The following SCAPER variants were observed in gnomAD, a reference collection of about 807,000 sequenced individuals.
SCAPER encodes S phase cyclin A-associated protein in the endoplasmic reticulum.
A neutral mutation model predicts 182.2 loss-of-function variants in SCAPER; 98 were observed. The ratio of observed to expected loss-of-function variants is 0.54; its 90% CI spans 0.46 to 0.64. The LOEUF (loss-of-function observed/expected upper bound fraction) is 0.64, where lower values mean the gene tolerates loss of function less well. SCAPER is among the 30% of genes least tolerant of loss of function. The pLI, the probability that SCAPER is intolerant of heterozygous loss-of-function variation, is 0.00. For missense variants in SCAPER, 1,432 were observed against 1,690.0 expected (o/e 0.85, Z 2.68); for synonymous variants, 605 against 564.6 (o/e 1.07, Z -1.01).
chr15:76,862,586 T>C, intron 2 of SCAPER, 53 bp from the exon 3 acceptor site: 1 of 1,123,888 alleles, frequency 8.9e-7, no homozygotes, highest in Non-Finnish European at 1.3e-6. Context: ...TCAAAATATA[T>C]ATTTAACAAA....
chr15:76,782,446 C>G lies in SCAPER; in HGVS notation c.773-7329G>C, dbSNP rs528204885. ...CAATAATAATGGGAGACTTTAATACCCCACTATCCACATTAGACAGATCAA... is the reference window on the plus strand; with the variant it reads ...CAATAATAATGGGAGACTTTAATACGCCACTATCCACATTAGACAGATCAA... On this transcript the variant is annotated intron_variant, in intron 8 of 31. Transcript: ENST00000563290. Among the ~76,000 whole-genome samples the G allele has an allele frequency of 9.2e-4, 140 of 152,096 alleles. 7 individuals are homozygous for G. In the South Asian group the frequency reaches 0.022, roughly 24 times the overall value.
At chr15:76,453,984 A>G (rs2048550358) in intron 25 of SCAPER, among the ~76,000 whole-genome samples, 1 of 152,156 alleles carries the variant, frequency 6.6e-6, no homozygotes, top group Non-Finnish European at 1.5e-5. Context: ...TTCTTTCCTC[A>G]TATTTGAAAC....
chr15:76,652,508 T>C (rs2146562178), intron 21 of SCAPER, among the ~76,000 whole-genome samples: 1 of 89,506 alleles, frequency 1.1e-5, no homozygotes, highest in East Asian at 3.4e-4. Flanking sequence ...TATATATATA[T>C]TTACATACAT....
intron 24 of SCAPER, among the ~76,000 whole-genome samples, chr15:76,490,118 T>C (rs1369178083): frequency 2.0e-5 from 3 of 152,212 alleles, no homozygotes; most frequent in Non-Finnish European, 2.9e-5. Context: ...GAAGTGGTAA[T>C]ATCTCTTTGA....
intron 25 of SCAPER, among the ~76,000 whole-genome samples, chr15:76,457,346 A>G (rs952005787): frequency 2.0e-5 from 3 of 152,202 alleles, no homozygotes; most frequent in Admixed American, 1.3e-4. Context: ...TATAGGCATG[A>G]GCCACCACGC....
chr15:76,484,169 G>A (rs1434736825), intron 24 of SCAPER, among the ~76,000 whole-genome samples: 1 of 152,076 alleles, frequency 6.6e-6, no homozygotes, highest in Non-Finnish European at 1.5e-5. Flanking sequence ...AAAAAGAACT[G>A]AGCTATCAAG....
At chr15:76,364,801 T>C (rs1319345633) in intron 29 of SCAPER, among the ~76,000 whole-genome samples, 1 of 151,928 alleles carries the variant, frequency 6.6e-6, no homozygotes, top group Non-Finnish European at 1.5e-5. Context: ...CTCCTGCTTG[T>C]AACACTTAGG....
At chr15:76,842,185 G>A (rs146126040) in intron 4 of SCAPER, among the ~76,000 whole-genome samples, 98 of 152,232 alleles carry the variant, frequency 6.4e-4, no homozygotes, top group African/African-American at 2.2e-3. Flanking sequence ...GATATGCATA[G>A]GTTATATGCA....
At chr15:76,679,072 G>A (rs956174682) in intron 20 of SCAPER, among the ~76,000 whole-genome samples, 8 of 152,118 alleles carry the variant, frequency 5.3e-5, no homozygotes, top group East Asian at 1.9e-4. Context: ...TTGTAATTAC[G>A]AATGTCTTGG....
intron 2 of SCAPER, among the ~76,000 whole-genome samples, chr15:76,872,593 T>C (rs1313486828): frequency 6.6e-6 from 1 of 151,862 alleles, no homozygotes; most frequent in Non-Finnish European, 1.5e-5. Context: ...ATAAAAAATA[T>C]TCTAATCTAG....
intron 4 of SCAPER, 33 bp downstream of exon 4, chr15:76,857,776 A>G: frequency 7.7e-7 from 1 of 1,301,058 alleles, no homozygotes; most frequent in South Asian, 1.5e-5. Flanking sequence ...TGAAATTAAA[A>G]GTAAATAAGT....
intron 23 of SCAPER, among the ~76,000 whole-genome samples, chr15:76,568,760 G>C (rs1364053851): frequency 6.6e-6 from 1 of 152,066 alleles, no homozygotes; most frequent in Non-Finnish European, 1.5e-5. Context: ...AAAGAACAAA[G>C]TGTTGGACTT....
intron 4 of SCAPER, among the ~76,000 whole-genome samples, chr15:76,843,296 G>A (rs2069665217): frequency 6.6e-6 from 1 of 151,966 alleles, no homozygotes. Flanking sequence ...ATTCCAGAAG[G>A]GCAGAAAATA....
Position 76,404,641 on chromosome 15 carries a change from G to A in SCAPER, c.3350C>T (p.Ala1117Val), listed in dbSNP as rs1186391438. The A allele has an allele frequency of 6.2e-7, 1 of 1,612,946 alleles. No individual in the cohort carries two copies. The highest frequency in any genetic ancestry group is 1.7e-5 in the Admixed American group (1 of 59,906). ...TGGGCCTTGCACCGAGAGGAAGCAG[G>A]CACACAGTTTGTCAATCAGACCCAT... Reference protein sequence around the residue: ...VNMGLIDKLCACFLSVQGPVD... With the variant: ...VNMGLIDKLCVCFLSVQGPVD... Residue 1117 changes from alanine to valine, a missense_variant, in exon 27 of 32, where the codon GCC becomes GTC. Physicochemically the swap from Ala to Val is moderately conservative, Grantham distance 64. Coordinates refer to ENST00000563290, the MANE Select transcript of SCAPER (RefSeq NM_020843.4).
chr15:76,839,076 T>C (rs1408035302), intron 5 of SCAPER, among the ~76,000 whole-genome samples: 1 of 152,206 alleles, frequency 6.6e-6, no homozygotes, highest in African/African-American at 2.4e-5. Flanking sequence ...GCCAATGTCA[T>C]AAACAGGCAC....
chr15:76,828,260 T>C (rs1176035175), intron 5 of SCAPER, among the ~76,000 whole-genome samples: 1 of 151,354 alleles, frequency 6.6e-6, no homozygotes, highest in Non-Finnish European at 1.5e-5. Context: ...TTACCCAGTT[T>C]CTAGTATTCT....
intron 22 of SCAPER, 24 bp downstream of exon 22, chr15:76,621,740 A>T (rs753459131): frequency 6.3e-7 from 1 of 1,585,324 alleles, no homozygotes; most frequent in South Asian, 1.1e-5. Flanking sequence ...GAAGAAAAGG[A>T]GAACTAAAAT....
intron 10 of SCAPER, among the ~76,000 whole-genome samples, chr15:76,767,567 T>A (rs1358021577): frequency 6.6e-6 from 1 of 152,082 alleles, no homozygotes; most frequent in Non-Finnish European, 1.5e-5. Context: ...AAAATATACA[T>A]GAGATTCATT....
intron 20 of SCAPER, among the ~76,000 whole-genome samples, chr15:76,679,303 G>A (rs2057550063): frequency 6.6e-6 from 1 of 152,066 alleles, no homozygotes; most frequent in Non-Finnish European, 1.5e-5. Flanking sequence ...AAGTGCTCAA[G>A]AAATGCTTTT....
Sources: gnomAD v4.1 joint callset for allele counts (sites outside exome capture counted in the v4.1 genomes callset) on GRCh38, gnomAD v4.1.1 for gene constraint, MANE v1.5 for transcripts, NCBI Gene and HGNC (gene_info 2026-07-23, HGNC 2026-07-21) for gene names.